PPFIA2: variants seen among roughly 807,000 people sequenced by gnomAD.
PPFIA2 encodes PPFI scaffold protein A2, also known as liprin-alpha-2.
Under a neutral mutation model 175.5 loss-of-function variants are expected in PPFIA2, and 46 were observed. The observed-to-expected ratio is 0.26, with a 90% CI of 0.21 to 0.34. The LOEUF is 0.34. Ranked by LOEUF, PPFIA2 falls within the 10% of genes least tolerant of loss-of-function variation. PPFIA2 has a pLI of 1.00. For missense variants in PPFIA2, 1,179 were observed against 1,506.1 expected (o/e 0.78, Z 3.60); for synonymous variants, 568 against 511.4 (o/e 1.11, Z -1.49).
At chr12:81,756,190 G>A (rs1253423207) in intron 2 of PPFIA2, among the ~76,000 whole-genome samples, 1 of 152,008 alleles carries the variant, frequency 6.6e-6, no homozygotes, top group Non-Finnish European at 1.5e-5. Context: ...CAAAGTACTG[G>A]GAGAGCAAAT....
At chr12:81,416,094 A>G (rs1354255419) in intron 7 of PPFIA2, among the ~76,000 whole-genome samples, 2 of 151,700 alleles carry the variant, frequency 1.3e-5, no homozygotes, top group Non-Finnish European at 3.0e-5. Context: ...TTGTTAAGGC[A>G]AGACTGTTAT....
At chr12:81,355,718 C>G (rs539892770) in intron 16 of PPFIA2, among the ~76,000 whole-genome samples, 1 of 152,188 alleles carries the variant, frequency 6.6e-6, no homozygotes, top group Non-Finnish European at 1.5e-5. Flanking sequence ...ACTTTATGAA[C>G]TGAACAACCC....
At chr12:81,331,838 G>A (rs1357769539) in intron 21 of PPFIA2, among the ~76,000 whole-genome samples, 1 of 151,930 alleles carries the variant, frequency 6.6e-6, no homozygotes, top group Non-Finnish European at 1.5e-5. Flanking sequence ...TGCTATGCCT[G>A]TCAGTAGCCT....
intron 4 of PPFIA2, among the ~76,000 whole-genome samples, chr12:81,670,207 C>T (rs1439833299): frequency 6.6e-6 from 1 of 151,820 alleles, no homozygotes; most frequent in Non-Finnish European, 1.5e-5. Flanking sequence ...GTCATATACA[C>T]AAATCTGAAG....
At chr12:81,303,461 C>A (rs1212590053) in intron 22 of PPFIA2, among the ~76,000 whole-genome samples, 1 of 152,116 alleles carries the variant, frequency 6.6e-6, no homozygotes, top group African/African-American at 2.4e-5. Context: ...GGTCAAAACA[C>A]AAACAAGAAA....
At chr12:81,494,840 A>G (rs1203363597) in intron 4 of PPFIA2, among the ~76,000 whole-genome samples, 1 of 150,980 alleles carries the variant, frequency 6.6e-6, no homozygotes. Flanking sequence ...AAACTATCAC[A>G]AGGACAAAAA....
intron 5 of PPFIA2, among the ~76,000 whole-genome samples, chr12:81,452,857 A>G (rs1347665122): frequency 6.6e-6 from 1 of 152,156 alleles, no homozygotes; most frequent in Non-Finnish European, 1.5e-5. Context: ...GTCAAATGCA[A>G]TTATGTCTTC....
At chr12:81,326,465 G>C (rs2054783088) in intron 21 of PPFIA2, among the ~76,000 whole-genome samples, 1 of 151,950 alleles carries the variant, frequency 6.6e-6, no homozygotes, top group African/African-American at 2.4e-5. Context: ...GATGTGTTCT[G>C]GGCAGGTTCT....
At chr12:81,623,140 G>C (rs1483860086) in intron 4 of PPFIA2, among the ~76,000 whole-genome samples, 1 of 152,032 alleles carries the variant, frequency 6.6e-6, no homozygotes, top group Non-Finnish European at 1.5e-5. Context: ...AATCTACAAT[G>C]ATATCTGATA....
Position 81,310,211 on chromosome 12 carries a change from C to A in PPFIA2, c.2643-10829G>T, listed in dbSNP as rs569335143. Among the ~76,000 whole-genome samples the A allele has an allele frequency of 2.0e-5, 3 of 152,106 alleles. No homozygotes were observed. The South Asian group carries it at 6.2e-4, about 32-fold the overall frequency. Reference sequence around the variant, plus strand: ...AAAGAATATGTCAGTCACTCAGGGCCATGTAGCAAGTAAGTGGGGAAGATG... The same window carrying A: ...AAAGAATATGTCAGTCACTCAGGGCAATGTAGCAAGTAAGTGGGGAAGATG... On this transcript the variant is annotated intron_variant, in intron 22 of 32. Transcript: ENST00000549396.
At chr12:81,618,561 C>G (rs185185004) in intron 4 of PPFIA2, among the ~76,000 whole-genome samples, 7 of 126,516 alleles carry the variant, frequency 5.5e-5, no homozygotes, top group Admixed American at 1.8e-4. Context: ...TGGAGTGTCG[C>G]TCTGTCGCCC....
intron 14 of PPFIA2, among the ~76,000 whole-genome samples, chr12:81,365,400 CA>C (rs1421472957): frequency 6.6e-6 from 1 of 151,656 alleles, no homozygotes; most frequent in Non-Finnish European, 1.5e-5. Context: ...AGCAAGGATG[CA>C]AAGCATGGCA....
chr12:81,655,437 T>G (rs1311336302), intron 4 of PPFIA2, among the ~76,000 whole-genome samples: 1 of 151,700 alleles, frequency 6.6e-6, no homozygotes, highest in Non-Finnish European at 1.5e-5. Flanking sequence ...TAAAAATATA[T>G]TATAAATTTC....
chr12:81,293,011 A>G (rs922953306), intron 24 of PPFIA2: 1 of 152,044 alleles, frequency 6.6e-6, no homozygotes, highest in Admixed American at 6.6e-5. Context: ...GAAAATGTGT[A>G]AATAGAAATG....
chr12:81,260,466 G>A (rs1055670052), intron 32 of PPFIA2: 1 of 152,146 alleles, frequency 6.6e-6, no homozygotes, highest in Non-Finnish European at 1.5e-5. Context: ...AAATTATAAT[G>A]CTATGTGTAG....
intron 3 of PPFIA2, among the ~76,000 whole-genome samples, chr12:81,753,588 C>T (rs1276214669): frequency 2.0e-5 from 3 of 149,014 alleles, no homozygotes; most frequent in Non-Finnish European, 4.4e-5. Flanking sequence ...TCAAAGACCA[C>T]ACAACTGAAA....
intron 4 of PPFIA2, among the ~76,000 whole-genome samples, chr12:81,525,430 C>A (rs1290032355): frequency 6.6e-6 from 1 of 152,084 alleles, no homozygotes. Flanking sequence ...ATATGAAGCA[C>A]CCTGCAGGTA....
In PPFIA2 at chr12:81,384,014, A is replaced by C; in HGVS notation, c.984+9T>G. 1 of 1,594,596 alleles carries C rather than the reference A, an allele frequency of 6.3e-7. No homozygotes were observed. Among genetic ancestry groups the C allele is most frequent in the Non-Finnish European group, 8.6e-7 (1 of 1,163,586 alleles). ...AAATCAAAGACTGAAAGTGGCATGA[A>C]TCACTTACCTCCCTAATGTCCCTTT... On this transcript the variant is annotated intron_variant, in intron 9 of 32. Transcript: ENST00000549396.
At chr12:81,439,016 T>G (rs892511861) in intron 7 of PPFIA2, among the ~76,000 whole-genome samples, 12 of 151,952 alleles carry the variant, frequency 7.9e-5, no homozygotes, top group African/African-American at 2.7e-4. Context: ...TTTGCTAATT[T>G]ATATTAGTAT....
Sources: allele counts gnomAD v4.1 joint callset (sites outside exome capture counted in the v4.1 genomes callset), GRCh38; gene constraint gnomAD v4.1.1; transcripts MANE v1.5; gene names NCBI Gene and HGNC (gene_info 2026-07-23, HGNC 2026-07-21).